The following SGK3 variants were observed in gnomAD, a reference collection of about 807,000 sequenced individuals.
SGK3 encodes the protein serum/glucocorticoid regulated kinase family member 3.
Under a neutral mutation model 68.5 loss-of-function variants are expected in SGK3, and 47 were observed. That is an observed-to-expected ratio of 0.69 (90% CI 0.54 to 0.87). The LOEUF (loss-of-function observed/expected upper bound fraction) is 0.87. Among genes scored for constraint, SGK3 ranks in the 40% least tolerant of loss-of-function variants. The pLI, the probability that SGK3 is intolerant of heterozygous loss-of-function variation, is 0.00. For missense variants in SGK3, 479 were observed against 575.5 expected (o/e 0.83, Z 1.72); for synonymous variants, 181 against 189.1 (o/e 0.96, Z 0.35).
intron 1 of SGK3, among the ~76,000 whole-genome samples, chr8:66,787,144 A>G (rs994893741): frequency 1.3e-5 from 2 of 151,630 alleles, no homozygotes; most frequent in East Asian, 1.9e-4. Context: ...GGGTTTCACC[A>G]TGTTAGCCAG....
chr8:66,736,476 G>A (rs1441939744), intron 1 of SGK3, among the ~76,000 whole-genome samples: 1 of 151,924 alleles, frequency 6.6e-6, no homozygotes, highest in Non-Finnish European at 1.5e-5. Flanking sequence ...TATATTTTTT[G>A]AGACAAGGTC....
Position 66,804,431 on chromosome 8 carries a change from T to G in SGK3, c.237T>G (p.Gly79=). Residue 79 remains glycine, a synonymous_variant, in exon 4 of 17, where the codon GGT becomes GGG. Coordinates refer to ENST00000521198, the MANE Select transcript of SGK3 (RefSeq NM_001033578.3). The part of the protein sequence containing the change: ...ALKIPAKRIF[G]DNFDPDFIKQ... ...AGATTCCTGCCAAGAGAATATTTGGTGATAATTTTGATCCAGGTAAGAAAC... is the reference window on the plus strand; with the variant it reads ...AGATTCCTGCCAAGAGAATATTTGGGGATAATTTTGATCCAGGTAAGAAAC... The G allele has an allele frequency of 1.2e-6, 2 of 1,612,530 alleles. No individual in the cohort carries two copies. Among genetic ancestry groups the G allele is most frequent in the Non-Finnish European group, 1.7e-6 (2 of 1,179,468 alleles).
intron 6 of SGK3, among the ~76,000 whole-genome samples, chr8:66,824,825 G>A (rs1808986066): frequency 6.6e-6 from 1 of 152,128 alleles, no homozygotes; most frequent in African/African-American, 2.4e-5. Context: ...TATTCACACA[G>A]TATGATTTAC....
intron 1 of SGK3, among the ~76,000 whole-genome samples, chr8:66,766,588 T>C (rs1321618998): frequency 2.0e-5 from 3 of 152,214 alleles, no homozygotes; most frequent in Non-Finnish European, 4.4e-5. Context: ...AGGTCTTCTA[T>C]ATACTTGCTG....
intron 4 of SGK3, among the ~76,000 whole-genome samples, chr8:66,805,298 T>A (rs1808109059): frequency 6.6e-6 from 1 of 151,934 alleles, no homozygotes; most frequent in Non-Finnish European, 1.5e-5. Context: ...GGCAGGTGGA[T>A]CACAAGGTCA....
intron 1 of SGK3, among the ~76,000 whole-genome samples, chr8:66,741,776 A>G (rs544216171): frequency 3.9e-5 from 6 of 152,254 alleles, no homozygotes; most frequent in East Asian, 1.9e-4. Flanking sequence ...GTATTCACCA[A>G]ATATTTATTG....
At chr8:66,800,753 C>G (rs994302369) in intron 3 of SGK3, among the ~76,000 whole-genome samples, 1 of 149,850 alleles carries the variant, frequency 6.7e-6, no homozygotes, top group East Asian at 1.9e-4. Context: ...GAAGATAATA[C>G]TACAATTTAA....
intron 1 of SGK3, among the ~76,000 whole-genome samples, chr8:66,761,572 C>T (rs2130462433): frequency 6.6e-6 from 1 of 152,194 alleles, no homozygotes; most frequent in South Asian, 2.1e-4. Flanking sequence ...TGTTTGAGAC[C>T]ACCCTAGCCA....
intron 1 of SGK3, among the ~76,000 whole-genome samples, chr8:66,766,789 C>T (rs1806332983): frequency 2.6e-5 from 4 of 152,088 alleles, no homozygotes; most frequent in Admixed American, 6.5e-5. Context: ...TATTAAATGA[C>T]CTTCTCTTTC....
chr8:66,841,046 T>C lies in SGK3; in HGVS notation c.914T>C (p.Phe305Ser). ...CAGGGACATGTTGTCTTAACAGATT[T>C]TGGGCTTTGTAAAGAAGGAATTGCT... Reference protein sequence around the residue: ...DSVGHVVLTDFGLCKEGIAIS... With the variant: ...DSVGHVVLTDSGLCKEGIAIS... The change falls in exon 13 of 17, where the codon TTT becomes TCT. Residue 305 changes from phenylalanine (F) to serine (S), a missense_variant. Phe to Ser is a radical substitution (Grantham distance 155, BLOSUM62 -2). Coordinates refer to ENST00000521198, the MANE Select transcript of SGK3 (RefSeq NM_001033578.3). The C allele has an allele frequency of 6.2e-7, 1 of 1,602,796 alleles. No individual in the cohort carries two copies. The highest frequency in any genetic ancestry group is 8.5e-7 in the Non-Finnish European group (1 of 1,174,850).
chr8:66,842,587 A>G (rs1809841937), intron 13 of SGK3, among the ~76,000 whole-genome samples: 3 of 152,200 alleles, frequency 2.0e-5, no homozygotes, highest in Non-Finnish European at 4.4e-5. Flanking sequence ...GTAAAATTCA[A>G]GTTCACTGTC....
chr8:66,745,800 C>T (rs1805638802), intron 1 of SGK3, among the ~76,000 whole-genome samples: 2 of 152,138 alleles, frequency 1.3e-5, no homozygotes, highest in South Asian at 4.1e-4. Flanking sequence ...CAAGATGCCA[C>T]TCTGAATGCT....
chr8:66,798,374 T>C (rs564296989), intron 2 of SGK3, among the ~76,000 whole-genome samples, 168 bp from the exon 3 acceptor site: 13 of 151,214 alleles, frequency 8.6e-5, no homozygotes, highest in African/African-American at 2.7e-4. Flanking sequence ...TAGAGAATCA[T>C]ATAAAAATGT....
chr8:66,836,635 TAA>T (rs113257283), intron 10 of SGK3, among the ~76,000 whole-genome samples: 17 of 137,758 alleles, frequency 1.2e-4, no homozygotes, highest in African/African-American at 7.9e-5. Flanking sequence ...CCCATCTCTT[TAA>T]AAAAAAAAAA....
intron 1 of SGK3, among the ~76,000 whole-genome samples, chr8:66,715,874 T>G (rs1804618050): frequency 6.6e-6 from 1 of 152,098 alleles, no homozygotes; most frequent in Non-Finnish European, 1.5e-5. Flanking sequence ...TCCCATGAGG[T>G]GTATTAGGCA....
intron 1 of SGK3, among the ~76,000 whole-genome samples, chr8:66,728,639 T>C (rs758003554): frequency 6.6e-6 from 1 of 152,106 alleles, no homozygotes; most frequent in African/African-American, 2.4e-5. Context: ...TTCTTTATAT[T>C]GGTGAAAAAT....
chr8:66,769,066 A>G (rs1806416536), intron 1 of SGK3, among the ~76,000 whole-genome samples: 1 of 152,082 alleles, frequency 6.6e-6, no homozygotes, highest in Non-Finnish European at 1.5e-5. Context: ...CTGTGAGTTT[A>G]TAGTTTTCAT....
In SGK3 at chr8:66,793,986, T is replaced by C. The variant is rs76438442; in HGVS notation, c.96+154T>C. Among the ~76,000 whole-genome samples the C allele has an allele frequency of 2.1e-3, 324 of 152,382 alleles. 1 individual carries two copies. The highest frequency in any genetic ancestry group is 4.1e-3 in the Non-Finnish European group (276 of 68,040). ...ATGATCTGTTCTCCACAAAGTCTTC[T>C]GTGGCTACCGTAATGGAATAAATTT... On this transcript the variant is annotated intron_variant, in intron 2 of 16. Transcript: ENST00000521198.
chr8:66,844,314 A>T (rs1337135126), intron 14 of SGK3, among the ~76,000 whole-genome samples: 1 of 152,182 alleles, frequency 6.6e-6, no homozygotes, highest in Non-Finnish European at 1.5e-5. Flanking sequence ...AGCTTTTCCC[A>T]TGATTGGAGA....
Sources: gnomAD v4.1 joint callset for allele counts (sites outside exome capture counted in the v4.1 genomes callset) on GRCh38, gnomAD v4.1.1 for gene constraint, MANE v1.5 for transcripts, NCBI Gene and HGNC (gene_info 2026-07-23, HGNC 2026-07-21) for gene names.